Variants in ST6GALNAC3 observed in about 807,000 individuals in gnomAD.
The protein encoded by ST6GALNAC3 is ST6 N-acetylgalactosaminide alpha-2,6-sialyltransferase 3, also known as alpha-N-acetylgalactosaminide alpha-2,6-sialyltransferase 3.
ST6GALNAC3 carries 25 observed loss-of-function variants against 32.7 expected under a neutral mutation model. The ratio of observed to expected loss-of-function variants is 0.76; its 90% CI spans 0.56 to 1.07. The LOEUF (loss-of-function observed/expected upper bound fraction) is 1.07, where lower values mean the gene tolerates loss of function less well. Ranked by LOEUF, ST6GALNAC3 falls within the 50% of genes least tolerant of loss-of-function variation. The pLI is 0.00. For missense variants in ST6GALNAC3, 355 were observed against 382.4 expected, an observed-to-expected ratio of 0.93 and a Z score of 0.60; for synonymous variants, 129 against 133.1, an observed-to-expected ratio of 0.97 and a Z score of 0.21.
chr1:76,173,747 A>G (rs2100430622), intron 1 of ST6GALNAC3, among the ~76,000 whole-genome samples: 1 of 152,332 alleles, frequency 6.6e-6, no homozygotes, highest in East Asian at 1.9e-4. Flanking sequence ...GCTCAACATC[A>G]CTGATCATTA....
intron 1 of ST6GALNAC3, among the ~76,000 whole-genome samples, chr1:76,202,644 T>C (rs1231248054): frequency 6.6e-6 from 1 of 152,138 alleles, no homozygotes. Flanking sequence ...GCAGTCAGAG[T>C]ACCTATTCCC....
intron 1 of ST6GALNAC3, among the ~76,000 whole-genome samples, chr1:76,199,887 A>G (rs1654422808): frequency 6.6e-6 from 1 of 152,146 alleles, no homozygotes; most frequent in African/African-American, 2.4e-5. Context: ...TCATTTTTCT[A>G]ATTTATGTGT....
chr1:76,156,096 A>C (rs1651397280), intron 1 of ST6GALNAC3, among the ~76,000 whole-genome samples: 1 of 112,232 alleles, frequency 8.9e-6, no homozygotes, highest in Non-Finnish European at 2.0e-5. Context: ...CTCTTTTGGA[A>C]TTTGTCTAAG....
At chr1:76,106,218 A>T (rs575914636) in intron 1 of ST6GALNAC3, among the ~76,000 whole-genome samples, 1 of 152,120 alleles carries the variant, frequency 6.6e-6, no homozygotes, top group South Asian at 2.1e-4. Flanking sequence ...CCAATGGGAA[A>T]TTTTTTCTTT....
intron 1 of ST6GALNAC3, among the ~76,000 whole-genome samples, chr1:76,238,777 T>C (rs1174748174): frequency 6.6e-6 from 1 of 152,106 alleles, no homozygotes; most frequent in Non-Finnish European, 1.5e-5. Flanking sequence ...ATAGATTATT[T>C]TCCTCGGGCA....
At chr1:76,211,800 G>T (rs973793283) in intron 1 of ST6GALNAC3, among the ~76,000 whole-genome samples, 1 of 152,044 alleles carries the variant, frequency 6.6e-6, no homozygotes, top group East Asian at 1.9e-4. Context: ...TGGGGGGAGC[G>T]GGGAGGGATA....
chr1:76,430,560 G>C (rs921221974), intron 3 of ST6GALNAC3, among the ~76,000 whole-genome samples: 1 of 152,154 alleles, frequency 6.6e-6, no homozygotes, highest in Admixed American at 6.5e-5. Context: ...TTAAGGCATA[G>C]CTCAAGAGTT....
chr1:76,208,874 G>A (rs1021937707), intron 1 of ST6GALNAC3, among the ~76,000 whole-genome samples: 3 of 152,176 alleles, frequency 2.0e-5, no homozygotes, highest in African/African-American at 7.2e-5. Flanking sequence ...GAGACAAGTA[G>A]TGCTGATAAA....
At chr1:76,610,137 A>G (rs909890131) in intron 3 of ST6GALNAC3, among the ~76,000 whole-genome samples, 16 of 152,178 alleles carry the variant, frequency 1.1e-4, no homozygotes, top group African/African-American at 3.9e-4. Flanking sequence ...TTTATGCTGC[A>G]TGGGGAATTA....
At chr1:76,257,820 C>A in intron 1 of ST6GALNAC3, among the ~76,000 whole-genome samples, 4 of 152,044 alleles carry the variant, frequency 2.6e-5, no homozygotes, top group Non-Finnish European at 4.4e-5. Flanking sequence ...GGATAGAGGG[C>A]TAATGATGTT....
intron 1 of ST6GALNAC3, among the ~76,000 whole-genome samples, chr1:76,083,374 G>A (rs1255513800): frequency 6.6e-6 from 1 of 152,248 alleles, no homozygotes; most frequent in South Asian, 2.1e-4. Flanking sequence ...GGCTGGACTC[G>A]AAAGAAAGAG....
At chr1:76,494,514 C>G (rs556860413) in intron 3 of ST6GALNAC3, among the ~76,000 whole-genome samples, 12 of 123,770 alleles carry the variant, frequency 9.7e-5, no homozygotes, top group South Asian at 3.0e-4. Flanking sequence ...ACTTATTACC[C>G]TTGGCTGAAG....
intron 1 of ST6GALNAC3, among the ~76,000 whole-genome samples, chr1:76,133,585 A>C (rs545358171): frequency 6.6e-6 from 1 of 152,260 alleles, no homozygotes; most frequent in African/African-American, 2.4e-5. Flanking sequence ...AATTTCTGCC[A>C]GCTGGTTACC....
chr1:76,250,963 C>A (rs112909926), intron 1 of ST6GALNAC3, among the ~76,000 whole-genome samples: 6 of 152,266 alleles, frequency 3.9e-5, no homozygotes, highest in African/African-American at 1.2e-4. Flanking sequence ...TGATGATTTT[C>A]AAAATCTGCA....
At chr1:76,425,846 T>G (rs1003934228) in intron 3 of ST6GALNAC3, among the ~76,000 whole-genome samples, 1 of 152,032 alleles carries the variant, frequency 6.6e-6, no homozygotes, top group South Asian at 2.1e-4. Context: ...TGTCAGATAA[T>G]CAATGGACTA....
At chr1:76,119,773 G>C (rs569731865) in intron 1 of ST6GALNAC3, among the ~76,000 whole-genome samples, 4 of 73,422 alleles carry the variant, frequency 5.4e-5, no homozygotes, top group African/African-American at 2.0e-4. Flanking sequence ...GTGCCCTCCA[G>C]GGATTGTAAT....
At position 76,226,660 on chromosome 1, in the gene ST6GALNAC3, C is replaced by T. The variant is rs1181406080; in HGVS notation, c.19-87145C>T. ...TGTTGGAAGGCAAAGGGGGAACAGGCATCTTACATCGCAGGAGCAGGAGGA... is the reference window on the plus strand; with the variant it reads ...TGTTGGAAGGCAAAGGGGGAACAGGTATCTTACATCGCAGGAGCAGGAGGA... On this transcript the variant is annotated intron_variant, in intron 1 of 4. Coordinates refer to ENST00000328299, the MANE Select transcript of ST6GALNAC3 (RefSeq NM_152996.4). Among the ~76,000 whole-genome samples, 4 of 152,226 alleles carry T rather than the reference C, an allele frequency of 2.6e-5. No homozygotes were observed. The East Asian group carries it at 7.7e-4, about 29-fold the overall frequency.
chr1:76,475,824 A>G (rs747973457), intron 3 of ST6GALNAC3, among the ~76,000 whole-genome samples: 2 of 152,014 alleles, frequency 1.3e-5, no homozygotes, highest in Non-Finnish European at 2.9e-5. Flanking sequence ...TACATTAGGT[A>G]TTTCTCCTAA....
intron 2 of ST6GALNAC3, among the ~76,000 whole-genome samples, chr1:76,369,943 A>G (rs1322746132): frequency 6.6e-6 from 1 of 152,196 alleles, no homozygotes; most frequent in African/African-American, 2.4e-5. Flanking sequence ...TTGGAACACT[A>G]AAAGGATGTT....
Sources: allele counts gnomAD v4.1 joint callset (sites outside exome capture counted in the v4.1 genomes callset), GRCh38; gene constraint gnomAD v4.1.1; transcripts MANE v1.5; gene names NCBI Gene and HGNC (gene_info 2026-07-23, HGNC 2026-07-21).